The following IL3RA variants were observed in gnomAD, a reference collection of about 807,000 sequenced individuals.
IL3RA encodes the protein interleukin-3 receptor subunit alpha.
A neutral mutation model predicts 52.3 loss-of-function variants in IL3RA; 73 were observed. The observed-to-expected ratio is 1.40, with a 90% CI of 1.16 to 1.70. The LOEUF is 1.70. Ranked by LOEUF, IL3RA falls within the 40% of genes most tolerant of loss-of-function variation. The pLI, the probability that IL3RA is intolerant of heterozygous loss-of-function variation, is 0.00. For synonymous variants in IL3RA, 260 were observed against 194.0 expected (o/e 1.34, Z -2.83); for missense variants, 664 against 504.4 (o/e 1.32, Z -3.03).
At chrX:1,352,624 C>T in intron 6 of IL3RA, 118 bp downstream of exon 6, 8 of 1,100,876 alleles carry the variant, frequency 7.3e-6, no homozygotes, top group Non-Finnish European at 9.1e-6. Flanking sequence ...TCTCACATTT[C>T]CAGAGGCTGG....
rs191368523 is a variant in IL3RA, at chrX:1,348,270, T to G, written c.184-161T>G. On this transcript the variant is annotated intron_variant, in intron 3 of 11. Transcript: ENST00000331035. ...CGGGAGGTTGAAGCAGGAGAATGGC[T>G]TGAACCCGGGAGGGAGAGGCTGCAG... 6.5e-3 allele frequency among the ~76,000 whole-genome samples: 894 copies of G among 137,060 alleles called. 2 individuals carry two copies. Among genetic ancestry groups the G allele is most frequent in the Middle Eastern group, 0.025 (5 of 202 alleles). The allele number at this position is 137,060 out of a possible 152,430, so 89.9% of individuals were successfully genotyped here. A position where few individuals can be genotyped will look rare whatever the true frequency, so the allele number is the denominator to read the frequency against.
intron 2 of IL3RA, among the ~76,000 whole-genome samples, chrX:1,342,943 CGG>C (rs2085550075): frequency 6.6e-6 from 1 of 151,364 alleles, no homozygotes; most frequent in Non-Finnish European, 1.5e-5. Context: ...GGCGTGGTGG[CGG>C]GCGCCTGTAA....
At chrX:1,342,389 C>G (rs1256743986) in intron 2 of IL3RA, among the ~76,000 whole-genome samples, 1 of 151,962 alleles carries the variant, frequency 6.6e-6, no homozygotes, top group Non-Finnish European at 1.5e-5. Flanking sequence ...TGGTCTAGAA[C>G]TGCTGACCAC....
chrX:1,367,509 A>C (rs1158025386), intron 9 of IL3RA, among the ~76,000 whole-genome samples: 2 of 53,102 alleles, frequency 3.8e-5, no homozygotes, highest in South Asian at 7.9e-4. Flanking sequence ...GCGCGGGGTG[A>C]GCCGGGTGCG....
chrX:1,361,705 A>G (rs1404174485), intron 8 of IL3RA, among the ~76,000 whole-genome samples: 4 of 146,798 alleles, frequency 2.7e-5, no homozygotes, highest in Non-Finnish European at 4.5e-5. Context: ...GTGAGTTGAG[A>G]TCGCGCCACT....
Position 1,381,064 on chromosome X carries a change from T to TGAAA in IL3RA, c.1025_1028dup (p.Asp343GlufsTer6). ...AGACTCTTTCCCCGCATCCCTCACA[T>TGAAA]GAAAGACCCCATCGGTGACAGCTTC... is the stretch of plus-strand genomic sequence containing the variant. On this transcript the variant is annotated frameshift_variant, in exon 11 of 12. Coordinates refer to ENST00000331035, the MANE Select transcript of IL3RA (RefSeq NM_002183.4). LOFTEE classifies it high-confidence loss of function. 1 of 1,613,778 alleles carries TGAAA rather than the reference T, an allele frequency of 6.2e-7. No homozygotes were observed. Among genetic ancestry groups the TGAAA allele is most frequent in the Non-Finnish European group, 8.5e-7 (1 of 1,179,778 alleles).
Position 1,347,096 on chromosome X carries a change from C to G in IL3RA, c.184-1335C>G, listed in dbSNP as rs1213827393. Among the ~76,000 whole-genome samples the G allele has an allele frequency of 4.0e-5, 6 of 151,480 alleles. No individual in the cohort carries two copies. The South Asian group carries it at 1.0e-3, about 26-fold the overall frequency. ...AGAAGGTGAATGAAGGAGAACCTGC[C>G]TTACCTATATCAAAAGGCACTGAAA... On this transcript the variant is annotated intron_variant, in intron 3 of 11. Coordinates refer to ENST00000331035, the MANE Select transcript of IL3RA (RefSeq NM_002183.4).
At chrX:1,379,836 T>C (rs1603449364) in intron 10 of IL3RA, among the ~76,000 whole-genome samples, 1 of 152,158 alleles carries the variant, frequency 6.6e-6, no homozygotes, top group African/African-American at 2.4e-5. Flanking sequence ...CTCGGTTCAC[T>C]GCAACCTCTG....
At chrX:1,345,585 G>A (rs2085707015) in intron 3 of IL3RA, 151 bp downstream of exon 3, 1 of 453,048 alleles carries the variant, frequency 2.2e-6, no homozygotes, top group Non-Finnish European at 3.8e-6. Context: ...CACCTCCCAG[G>A]TCCATGCCAT....
chrX:1,363,005 A>C lies in IL3RA; in HGVS notation c.760-2133A>C, dbSNP rs150175432. Among the ~76,000 whole-genome samples, 511 of 151,992 alleles carry C rather than the reference A, an allele frequency of 3.4e-3. 3 individuals carry two copies. Among genetic ancestry groups the C allele is most frequent in the African/African-American group, 0.011 (475 of 41,438 alleles). ...TGCTCAGGTTGACCTCGAACTCCTG[A>C]CCTCAGGTGATCTACCCACCTCAGC... On this transcript the variant is annotated intron_variant, in intron 8 of 11. Transcript: ENST00000331035.
intron 9 of IL3RA, among the ~76,000 whole-genome samples, chrX:1,376,669 A>G (rs1382304759): frequency 6.7e-6 from 1 of 149,018 alleles, no homozygotes; most frequent in East Asian, 2.0e-4. Flanking sequence ...CAAGCCCAGG[A>G]GAGAGGCCTC....
intron 3 of IL3RA, among the ~76,000 whole-genome samples, chrX:1,347,148 A>G (rs1185165549): frequency 1.3e-5 from 2 of 151,586 alleles, no homozygotes; most frequent in Admixed American, 6.6e-5. Flanking sequence ...GCGGATTGCT[A>G]TAAGAATACA....
At chrX:1,376,639 C>T (rs2088750474) in intron 9 of IL3RA, among the ~76,000 whole-genome samples, 1 of 149,454 alleles carries the variant, frequency 6.7e-6, no homozygotes, top group Admixed American at 6.7e-5. Flanking sequence ...TGTGAGGACA[C>T]AGGGAGAAGA....
intron 2 of IL3RA, among the ~76,000 whole-genome samples, chrX:1,342,927 C>G (rs868648576): frequency 1.3e-5 from 2 of 151,342 alleles, no homozygotes; most frequent in South Asian, 2.1e-4. Context: ...ATACAAAAAT[C>G]AGCTGGGCGT....
intron 7 of IL3RA, among the ~76,000 whole-genome samples, chrX:1,356,833 ATTG>A (rs1242514868): frequency 2.7e-5 from 4 of 150,824 alleles, no homozygotes; most frequent in African/African-American, 4.9e-5. Context: ...TATTATTTCT[ATTG>A]TTATGTGGTT....
intron 2 of IL3RA, 79 bp downstream of exon 2, chrX:1,341,908 C>A: frequency 6.8e-7 from 1 of 1,469,676 alleles, no homozygotes; most frequent in Non-Finnish European, 9.5e-7. Flanking sequence ...GCGTGCCGTC[C>A]TTCAGGGAAA....
intron 9 of IL3RA, among the ~76,000 whole-genome samples, chrX:1,378,042 C>T (rs1164843061): frequency 6.6e-6 from 1 of 151,038 alleles, no homozygotes. Context: ...AAAAATTACC[C>T]GGGCGTGGTG....
rs1603449493 is a variant in IL3RA, at chrX:1,381,784, C to A, written c.1063-607C>A. Among the ~76,000 whole-genome samples, 9 of 151,160 alleles carry A rather than the reference C, an allele frequency of 6.0e-5. 1 individual carries two copies. In the South Asian group the frequency reaches 1.9e-3, roughly 32 times the overall value. ...GTCTCGATCTCCTGACCTTGTGATCCCCCTGCCTCGGCCTCCCAAAGTGCT... is the reference window on the plus strand; with the variant it reads ...GTCTCGATCTCCTGACCTTGTGATCACCCTGCCTCGGCCTCCCAAAGTGCT... On this transcript the variant is annotated intron_variant, in intron 11 of 11. Transcript: ENST00000331035.
intron 4 of IL3RA, among the ~76,000 whole-genome samples, chrX:1,350,367 A>G (rs1181701526): frequency 6.6e-6 from 1 of 151,868 alleles, no homozygotes; most frequent in Non-Finnish European, 1.5e-5. Flanking sequence ...AGGCAGGCGG[A>G]TCACCTGAGG....
Sources: allele counts gnomAD v4.1 joint callset (sites outside exome capture counted in the v4.1 genomes callset), GRCh38; gene constraint gnomAD v4.1.1; transcripts MANE v1.5; gene names NCBI Gene and HGNC (gene_info 2026-07-23, HGNC 2026-07-21).